ITSN1: variants seen among roughly 807,000 people sequenced by gnomAD.
ITSN1 encodes intersectin 1.
ITSN1 carries 58 observed loss-of-function variants against 239.8 expected under a neutral mutation model. The ratio of observed to expected loss-of-function variants is 0.24; its 90% CI spans 0.20 to 0.30. ITSN1 has a LOEUF of 0.30. Ranked by LOEUF, ITSN1 falls within the 10% of genes least tolerant of loss-of-function variation. ITSN1 has a pLI of 1.00. For synonymous variants in ITSN1, 780 were observed against 770.8 expected, an observed-to-expected ratio of 1.01 and a Z score of -0.20; for missense variants, 1,558 against 2,103.3, an observed-to-expected ratio of 0.74 and a Z score of 5.07.
chr21:33,855,523 A>G lies in ITSN1; in HGVS notation c.3662-1213A>G, dbSNP rs577830715. ...TCTGGCTTCTGTGATTAAATAAAGA[A>G]CCTCTGATAAAAAAGAGAGGTGGGT... is the stretch of plus-strand genomic sequence containing the variant. On this transcript the variant is annotated intron_variant, in intron 29 of 39. Coordinates refer to ENST00000381318, the MANE Select transcript of ITSN1 (RefSeq NM_003024.3). Among the ~76,000 whole-genome samples the G allele has an allele frequency of 2.6e-5, 4 of 152,330 alleles. No homozygotes were observed. In the South Asian group the frequency reaches 8.3e-4, roughly 32 times the overall value.
chr21:33,677,892 T>C (rs1296842623), intron 1 of ITSN1, among the ~76,000 whole-genome samples: 1 of 152,210 alleles, frequency 6.6e-6, no homozygotes, highest in African/African-American at 2.4e-5. Context: ...CTGTCTCTCA[T>C]GTGGGTGTTT....
chr21:33,749,993 A>C, intron 5 of ITSN1, 150 bp from the exon 6 acceptor site: 1 of 710,710 alleles, frequency 1.4e-6, no homozygotes, highest in Non-Finnish European at 2.4e-6. Context: ...AATTTTTGTT[A>C]CTCTTTAAAA....
At chr21:33,709,502 G>T (rs11088260) in intron 1 of ITSN1, among the ~76,000 whole-genome samples, 1 of 151,908 alleles carries the variant, frequency 6.6e-6, no homozygotes, top group African/African-American at 2.4e-5. Flanking sequence ...GGCTGGTCTC[G>T]AACTCCTGTC....
intron 28 of ITSN1, among the ~76,000 whole-genome samples, chr21:33,834,783 G>C (rs1051553241): frequency 1.3e-5 from 2 of 151,998 alleles, no homozygotes; most frequent in African/African-American, 4.8e-5. Flanking sequence ...AAAATAAACG[G>C]CTGGGGTCTC....
At chr21:33,758,697 T>A (rs1467718491) in intron 8 of ITSN1, among the ~76,000 whole-genome samples, 1 of 152,214 alleles carries the variant, frequency 6.6e-6, no homozygotes, top group Non-Finnish European at 1.5e-5. Context: ...CATCTATTAA[T>A]CAGAAAAGCT....
At chr21:33,833,389 CTT>C in intron 27 of ITSN1, among the ~76,000 whole-genome samples, 1 of 152,306 alleles carries the variant, frequency 6.6e-6, no homozygotes, top group South Asian at 2.1e-4. Flanking sequence ...TGTATGTCAT[CTT>C]GCATCTAAGG....
In ITSN1 at chr21:33,688,354, T is replaced by C. The variant is rs2091349182; in HGVS notation, c.-32-30443T>C. 2.0e-5 allele frequency among the ~76,000 whole-genome samples: 3 copies of C among 152,226 alleles called. No homozygotes were observed. In the South Asian group the frequency reaches 6.2e-4, roughly 32 times the overall value. On this transcript the variant is annotated intron_variant, in intron 1 of 39. Transcript: ENST00000381318. ...TTCCCAAACATTCGTAGGACTACAC[T>C]GTAGCAGGAATCTGAATAGAAAACA... is the stretch of plus-strand genomic sequence containing the variant.
chr21:33,727,373 A>G (rs1326471820), intron 4 of ITSN1, among the ~76,000 whole-genome samples: 1 of 152,086 alleles, frequency 6.6e-6, no homozygotes, highest in Non-Finnish European at 1.5e-5. Context: ...ACGGAGGGCC[A>G]GCAGAAATGG....
At position 33,867,230 on chromosome 21, in the gene ITSN1, CAG is replaced by C. The variant is rs764168017; in HGVS notation, c.4076_4077del. 3 of 1,582,702 alleles carry C rather than the reference CAG, an allele frequency of 1.9e-6. No homozygotes were observed. The African/African-American group carries it at 4.0e-5, about 21-fold the overall frequency. The stretch of plus-strand genomic sequence containing the variant: ...AAGTACATTTAAAAACATCTCATTT[CAG>C]AGATTGGCAATGGATCCTCGGTGTA... On this transcript the variant is annotated splice_acceptor_variant, in intron 32 of 39. Coordinates refer to ENST00000381318, the MANE Select transcript of ITSN1 (RefSeq NM_003024.3). LOFTEE classifies it high-confidence loss of function.
intron 10 of ITSN1, among the ~76,000 whole-genome samples, chr21:33,766,777 C>A (rs992280923): frequency 6.6e-6 from 1 of 152,198 alleles, no homozygotes; most frequent in African/African-American, 2.4e-5. Context: ...ATAGCTGAGG[C>A]ACTTTGCCTG....
chr21:33,834,196 C>G (rs1020349709), intron 27 of ITSN1, 111 bp from the exon 28 acceptor site: 2 of 733,450 alleles, frequency 2.7e-6, no homozygotes, highest in East Asian at 5.0e-5. Context: ...CCGTTAATGT[C>G]ATTTGTTTTT....
At chr21:33,836,799 A>C (rs989689850) in intron 29 of ITSN1, among the ~76,000 whole-genome samples, 167 bp downstream of exon 29, 6 of 152,032 alleles carry the variant, frequency 3.9e-5, no homozygotes, top group Non-Finnish European at 7.4e-5. Context: ...AGTTTATCTC[A>C]TGGGGTTTTA....
intron 38 of ITSN1, among the ~76,000 whole-genome samples, 182 bp from the exon 39 acceptor site, chr21:33,886,105 A>G (rs960328773): frequency 6.6e-6 from 1 of 151,918 alleles, no homozygotes; most frequent in Admixed American, 6.6e-5. Context: ...CTATTCATTC[A>G]GGAGACTGAG....
chr21:33,784,210 G>A (rs2070438462), intron 16 of ITSN1, among the ~76,000 whole-genome samples: 2 of 152,128 alleles, frequency 1.3e-5, no homozygotes, highest in African/African-American at 4.8e-5. Context: ...GTGGTGGCAT[G>A]TGCCTGTAAT....
chr21:33,652,250 G>GT (rs1909735592), intron 1 of ITSN1, among the ~76,000 whole-genome samples: 1 of 152,132 alleles, frequency 6.6e-6, no homozygotes, highest in Admixed American at 6.5e-5. Context: ...GGGAGGATGC[G>GT]TCCTGGTGTT....
intron 30 of ITSN1, among the ~76,000 whole-genome samples, 171 bp downstream of exon 30, chr21:33,857,028 G>C (rs372781567): frequency 6.6e-6 from 1 of 152,172 alleles, no homozygotes. Flanking sequence ...GAGACGGTTC[G>C]TTGCTTATCC....
At chr21:33,857,014 C>T (rs142729101) in intron 30 of ITSN1, among the ~76,000 whole-genome samples, 157 bp downstream of exon 30, 5 of 152,268 alleles carry the variant, frequency 3.3e-5, no homozygotes, top group East Asian at 1.9e-4. Context: ...AGATTGCGAC[C>T]GCAGAGACGG....
At chr21:33,709,358 G>A (rs1275919811) in intron 1 of ITSN1, among the ~76,000 whole-genome samples, 2 of 152,134 alleles carry the variant, frequency 1.3e-5, no homozygotes, top group Non-Finnish European at 2.9e-5. Flanking sequence ...GTGTTTGTTT[G>A]AGACGGAGTT....
chr21:33,728,393 C>G (rs1374562329), intron 4 of ITSN1, among the ~76,000 whole-genome samples: 1 of 152,058 alleles, frequency 6.6e-6, no homozygotes, highest in Non-Finnish European at 1.5e-5. Context: ...CCACTATGCC[C>G]AGCTAATTTT....
Sources: allele counts gnomAD v4.1 joint callset (sites outside exome capture counted in the v4.1 genomes callset), GRCh38; gene constraint gnomAD v4.1.1; transcripts MANE v1.5; gene names NCBI Gene and HGNC (gene_info 2026-07-23, HGNC 2026-07-21).